MCTS1: variants seen among roughly 807,000 people sequenced by gnomAD.
MCTS1 encodes the protein malignant T-cell-amplified sequence 1.
For missense variants in MCTS1, 55 were observed against 128.6 expected (o/e 0.43, Z 2.77); for synonymous variants, 26 against 40.8 (o/e 0.64, Z 1.38).
At chrX:120,605,984 T>G (rs1926521178) in intron 2 of MCTS1, 95 bp from the exon 3 acceptor site, 1 of 494,843 alleles carries the variant, frequency 2.0e-6, no homozygotes, top group Admixed American at 4.7e-5. Flanking sequence ...TTTACTGACT[T>G]TTTAAGAAAG....
intron 4 of MCTS1, among the ~76,000 whole-genome samples, chrX:120,608,745 T>G (rs915128773): frequency 8.9e-6 from 1 of 112,084 alleles, no homozygotes; most frequent in African/African-American, 3.2e-5. Flanking sequence ...TCATTTTGAC[T>G]TACTGACATA....
intron 2 of MCTS1, 76 bp downstream of exon 2, chrX:120,605,635 G>T: frequency 1.0e-6 from 1 of 986,842 alleles, no homozygotes; most frequent in Non-Finnish European, 1.4e-6. Flanking sequence ...CATACTAAAT[G>T]GAATTATTTT....
Position 120,619,943 on chromosome X carries a change from G to C in MCTS1, c.*7679G>C, listed in dbSNP as rs1926968083. ...TCTACATCTTTAGAAAAGGACATGA[G>C]GGAGGGTTAGTTAAGTGGGGCAATG... On this transcript the variant is annotated 3_prime_UTR_variant, in exon 6 of 6. Transcript: ENST00000371317. Among the ~76,000 whole-genome samples the C allele has an allele frequency of 9.0e-6, 1 of 111,720 alleles. No homozygotes were observed. Among genetic ancestry groups the C allele is most frequent in the African/African-American group, 3.3e-5 (1 of 30,704 alleles).
intron 4 of MCTS1, among the ~76,000 whole-genome samples, chrX:120,609,050 T>C (rs1197142834): frequency 8.9e-6 from 1 of 111,978 alleles, no homozygotes; most frequent in Non-Finnish European, 1.9e-5. Context: ...TTTTCTGGAT[T>C]AAATAGATTT....
intron 1 of MCTS1, chrX:120,604,536 C>T (rs1197685908): frequency 3.4e-6 from 2 of 592,428 alleles, no homozygotes; most frequent in Non-Finnish European, 4.9e-6. Flanking sequence ...TAGGGTTCTA[C>T]CAATCACATC....
Position 120,611,038 on chromosome X carries a change from G to A in MCTS1, c.424G>A (p.Ala142Thr), listed in dbSNP as rs781770521. The A allele has an allele frequency of 8.3e-7, 1 of 1,211,793 alleles. No homozygotes were observed. Among genetic ancestry groups the A allele is most frequent in the Non-Finnish European group, 1.1e-6 (1 of 895,286 alleles). The change falls in exon 5 of 6, where the codon GCT becomes ACT. Residue 142 changes from alanine (A) to threonine (T), a missense_variant. By Grantham distance (58) the Ala-to-Thr change is moderately conservative (BLOSUM62 0). Transcript: ENST00000371317. ...VAIMAEGKQHALCVGVMKMSA... is the reference protein window; with the variant it reads ...VAIMAEGKQHTLCVGVMKMSA... ...TATCATGGCAGAAGGAAAACAGCAT[G>A]CTCTATGTGTTGGAGTCATGAAGAT...
chrX:120,605,577 T>C lies in MCTS1; in HGVS notation c.164+18T>C. On this transcript the variant is annotated intron_variant, in intron 2 of 5. Coordinates refer to ENST00000371317, the MANE Select transcript of MCTS1 (RefSeq NM_014060.3). ...GTCCGATGGTAAGTCTTTGTTTTTG[T>C]CTGTGTAAAGCTCGGTATAGCTGAA... The C allele has an allele frequency of 8.4e-7, 1 of 1,191,122 alleles. No individual in the cohort carries two copies. Among genetic ancestry groups the C allele is most frequent in the Non-Finnish European group, 1.1e-6 (1 of 886,952 alleles).
At position 120,608,495 on chromosome X, in the gene MCTS1, G is replaced by A. The variant is rs1926599219; in HGVS notation, c.396+137G>A. 1.9e-5 allele frequency: 13 copies of A among 702,084 alleles called. No individual in the cohort carries two copies. In the East Asian group the frequency reaches 4.8e-4, roughly 26 times the overall value. 57.9% of individuals were successfully genotyped at this position (702,084 alleles called of 1,213,427 possible). On this transcript the variant is annotated intron_variant, in intron 4 of 5. Coordinates refer to ENST00000371317, the MANE Select transcript of MCTS1 (RefSeq NM_014060.3). ...GTTACTCTTATCTCATGCCTTTCTGGTTACATTTGAAGTTGTACAAAGTAA... is the reference window on the plus strand; with the variant it reads ...GTTACTCTTATCTCATGCCTTTCTGATTACATTTGAAGTTGTACAAAGTAA...
At position 120,604,967 on chromosome X, in the gene MCTS1, G is replaced by A. The variant is rs1602607008; in HGVS notation, c.12-440G>A. Reference sequence around the variant, plus strand: ...AAATCTCAGCAGATTACATAGCCTAGCAGGGGCCGATTTTCTATGTTATGC... The same window carrying A: ...AAATCTCAGCAGATTACATAGCCTAACAGGGGCCGATTTTCTATGTTATGC... On this transcript the variant is annotated intron_variant, in intron 1 of 5. Coordinates refer to ENST00000371317, the MANE Select transcript of MCTS1 (RefSeq NM_014060.3). 5 of 883,947 alleles carry A rather than the reference G, an allele frequency of 5.7e-6. No homozygotes were observed. In the East Asian group the frequency reaches 2.0e-4, roughly 35 times the overall value. The allele number at this position is 883,947 out of a possible 1,213,427, so 72.8% of individuals were successfully genotyped here.
Position 120,616,873 on chromosome X carries a change from A to G in MCTS1, c.*4609A>G, listed in dbSNP as rs1208606071. Among the ~76,000 whole-genome samples, 1 of 112,433 alleles carries G rather than the reference A, an allele frequency of 8.9e-6. No homozygotes were observed. Among genetic ancestry groups the G allele is most frequent in the Non-Finnish European group, 1.9e-5 (1 of 53,308 alleles). On this transcript the variant is annotated 3_prime_UTR_variant, in exon 6 of 6. Coordinates refer to ENST00000371317, the MANE Select transcript of MCTS1 (RefSeq NM_014060.3). ...GCCTCACTATTAATGTCCAATTCTAATTAATGGATTGTTTTAGAAATGTAT... is the reference window on the plus strand; with the variant it reads ...GCCTCACTATTAATGTCCAATTCTAGTTAATGGATTGTTTTAGAAATGTAT...
chrX:120,619,285 T>C lies in MCTS1; in HGVS notation c.*7021T>C, dbSNP rs1171383216. Among the ~76,000 whole-genome samples, 1 of 111,180 alleles carries C rather than the reference T, an allele frequency of 9.0e-6. No homozygotes were observed. Among genetic ancestry groups the C allele is most frequent in the African/African-American group, 3.3e-5 (1 of 30,599 alleles). On this transcript the variant is annotated 3_prime_UTR_variant, in exon 6 of 6. Coordinates refer to ENST00000371317, the MANE Select transcript of MCTS1 (RefSeq NM_014060.3). ...AACATTTTACCATCAAGATATTTAA[T>C]ACAAAGGATTGATACATATTTAACT...
Position 120,612,687 on chromosome X carries a change from ATGTGTG to A in MCTS1, c.*443_*448del, listed in dbSNP as rs66864093. 8.1e-4 allele frequency among the ~76,000 whole-genome samples: 76 copies of A among 93,672 alleles called. No individual in the cohort carries two copies. The highest frequency in any genetic ancestry group is 2.3e-3 in the East Asian group (7 of 2,987). 81.3% of individuals were successfully genotyped at this position (93,672 alleles called of 115,157 possible). ...TGTGTGTGTGTGTGTGTGTGTGTGT[ATGTGTG>A]TGTGTGTGTGTGTGTGTGTTTTGTT... is the stretch of plus-strand genomic sequence containing the variant. On this transcript the variant is annotated 3_prime_UTR_variant, in exon 6 of 6. Transcript: ENST00000371317.
In MCTS1 at chrX:120,621,036, T is replaced by C. The variant is rs1421923913; in HGVS notation, c.*8772T>C. On this transcript the variant is annotated 3_prime_UTR_variant, in exon 6 of 6. Coordinates refer to ENST00000371317, the MANE Select transcript of MCTS1 (RefSeq NM_014060.3). ...GAATTAAGATGTGCTGTAACTAAAA[T>C]ACACCCTGGATTTCAAAGACTTAAT... The C allele has an allele frequency of 8.9e-6, 1 of 111,736 alleles. No individual in the cohort carries two copies. Among genetic ancestry groups the C allele is most frequent in the Non-Finnish European group, 1.9e-5 (1 of 53,209 alleles). The allele number at this position is 111,736 out of a possible 1,213,427, so 9.2% of individuals were successfully genotyped here.
chrX:120,605,327 T>C (rs1428603237), intron 1 of MCTS1, 80 bp from the exon 2 acceptor site: 1 of 865,698 alleles, frequency 1.2e-6, no homozygotes, highest in Non-Finnish European at 1.6e-6. Flanking sequence ...AATAAATGAC[T>C]AATTAGAACA....
At chrX:120,605,896 G>A (rs1926519017) in intron 2 of MCTS1, among the ~76,000 whole-genome samples, 183 bp from the exon 3 acceptor site, 1 of 112,529 alleles carries the variant, frequency 8.9e-6, no homozygotes, top group Admixed American at 9.4e-5. Flanking sequence ...GGTTGTAGCA[G>A]GTAATATTTT....
At position 120,608,352 on chromosome X, in the gene MCTS1, C is replaced by T; in HGVS notation, c.390C>T (p.Thr130=). Residue 130 remains threonine (T), a synonymous_variant, in exon 4 of 6, where the codon ACC becomes ACT. Coordinates refer to ENST00000371317, the MANE Select transcript of MCTS1 (RefSeq NM_014060.3). The stretch of plus-strand genomic sequence containing the variant: ...AGCTTTACCCTGCTGCAGTAGATAC[C>T]ATTGTTGTATCCTTCCCAGGCTAAA... ...GAKLYPAAVD[T]IVAIMAEGKQ... 2 of 1,186,604 alleles carry T rather than the reference C, an allele frequency of 1.7e-6. No individual in the cohort carries two copies. The highest frequency in any genetic ancestry group is 2.3e-6 in the Non-Finnish European group (2 of 881,467).
chrX:120,604,674 G>GT, intron 1 of MCTS1: 1 of 1,044,772 alleles, frequency 9.6e-7, no homozygotes, highest in Non-Finnish European at 1.2e-6. Flanking sequence ...GAGTGAAGGA[G>GT]TCTGGGTGAC....
chrX:120,615,978 T>C lies in MCTS1; in HGVS notation c.*3714T>C, dbSNP rs1349968419. The stretch of plus-strand genomic sequence containing the variant: ...TCCCTGTCGTACCCAAATCAGTAAC[T>C]GAAGATACGTATTTCTAAGTATAAT... On this transcript the variant is annotated 3_prime_UTR_variant, in exon 6 of 6. Transcript: ENST00000371317. Among the ~76,000 whole-genome samples, 3 of 112,778 alleles carry C rather than the reference T, an allele frequency of 2.7e-5. No individual in the cohort carries two copies. Among genetic ancestry groups the C allele is most frequent in the African/African-American group, 9.6e-5 (3 of 31,121 alleles).
At chrX:120,605,065 C>G in intron 1 of MCTS1, among the ~76,000 whole-genome samples, 1 of 110,655 alleles carries the variant, frequency 9.0e-6, no homozygotes. Flanking sequence ...TTGGTGGGAG[C>G]CTGTGTTTCT....
Sources: gnomAD v4.1 joint callset for allele counts (sites outside exome capture counted in the v4.1 genomes callset) on GRCh38, gnomAD v4.1.1 for gene constraint, MANE v1.5 for transcripts, NCBI Gene and HGNC (gene_info 2026-07-23, HGNC 2026-07-21) for gene names.